The following SPTB variants were observed in gnomAD, a reference collection of about 807,000 sequenced individuals.
SPTB encodes spectrin beta chain, erythrocytic.
Under a neutral mutation model 256.2 loss-of-function variants are expected in SPTB, and 45 were observed. That is an observed-to-expected ratio of 0.18 (90% confidence interval 0.14 to 0.23). The LOEUF (loss-of-function observed/expected upper bound fraction) is 0.23. SPTB is among the 10% of genes least tolerant of loss of function. The pLI, the probability that SPTB is intolerant of heterozygous loss-of-function variation, is 1.00. For synonymous variants in SPTB, 1,231 were observed against 1,243.1 expected (o/e 0.99, Z 0.21); for missense variants, 2,715 against 3,040.4 (o/e 0.89, Z 2.52).
rs117267200 is a variant in SPTB, at chr14:64,785,470, C to T, written c.3855+67G>A. The T allele has an allele frequency of 0.014, 19,968 of 1,435,320 alleles. 160 individuals are homozygous for T. Among genetic ancestry groups the T allele is most frequent in the Middle Eastern group, 0.02 (83 of 4,182 alleles). 88.9% of individuals were successfully genotyped at this position (1,435,320 alleles called of 1,614,324 possible). ...AGAAAGGATCCCTGTGGACTTCCTG[C>T]CTTGAGGGAACTCTGCTTCTAGAAA... On this transcript the variant is annotated intron_variant, in intron 18 of 35. Transcript: ENST00000644917. The surrounding 1 kb of genome is among the most constrained non-coding windows in gnomAD (Gnocchi z 4.4).
intron 15 of SPTB, 100 bp from the exon 16 acceptor site, chr14:64,787,260 T>TC: frequency 6.8e-7 from 1 of 1,475,096 alleles, no homozygotes; most frequent in East Asian, 2.3e-5. Context: ...CCCACAAGTC[T>TC]CCCCCCACAG....
intron 6 of SPTB, 111 bp downstream of exon 6, chr14:64,801,643 G>T: frequency 8.6e-7 from 1 of 1,167,076 alleles, no homozygotes; most frequent in Non-Finnish European, 1.3e-6. Flanking sequence ...GGGGAGAGGA[G>T]AAGGAACAGC....
chr14:64,766,154 GTGTT>G (rs1287916444), intron 32 of SPTB, among the ~76,000 whole-genome samples: 2 of 149,012 alleles, frequency 1.3e-5, no homozygotes, highest in Admixed American at 6.7e-5. Flanking sequence ...TGGGTGTGGT[GTGTT>G]TGTGTGTATG....
rs1047444401 is a variant in SPTB at position 64,759,114 on chromosome 14, G to A, written c.6346-5321C>T. Among the ~76,000 whole-genome samples the A allele has an allele frequency of 6.6e-6, 1 of 152,210 alleles. No homozygotes were observed. The highest frequency in any genetic ancestry group is 2.4e-5 in the African/African-American group (1 of 41,446). ...GGGTTCCGGAAAAGCTCAGTGACGGGCTGAGATTAGAGCACACAGCAAGTC... is the reference window on the plus strand; with the variant it reads ...GGGTTCCGGAAAAGCTCAGTGACGGACTGAGATTAGAGCACACAGCAAGTC... On this transcript the variant is annotated intron_variant, in intron 32 of 35. Transcript: ENST00000644917. The surrounding 1 kb of genome is among the most constrained non-coding windows in gnomAD (Gnocchi z 4.8).
At chr14:64,846,842 A>G (rs563005753) in intron 1 of SPTB, among the ~76,000 whole-genome samples, 3 of 152,326 alleles carry the variant, frequency 2.0e-5, no homozygotes, top group Admixed American at 6.5e-5. Context: ...CAACTGAACT[A>G]TCAGATTCCA....
chr14:64,849,771 T>C (rs905578860), intron 1 of SPTB, among the ~76,000 whole-genome samples: 45 of 152,202 alleles, frequency 3.0e-4, no homozygotes, highest in African/African-American at 1.1e-3. Context: ...ATCAGGAGGC[T>C]GTAAGAGGGG....
intron 1 of SPTB, among the ~76,000 whole-genome samples, chr14:64,839,911 A>C (rs2083580112): frequency 6.6e-6 from 1 of 152,254 alleles, no homozygotes; most frequent in Non-Finnish European, 1.5e-5. Flanking sequence ...CAGAAATTAA[A>C]GAAGCCTTCA....
Position 64,807,133 on chromosome 14 carries a change from G to C in SPTB, c.149-2043C>G, listed in dbSNP as rs1434455617. Among the ~76,000 whole-genome samples, 2 of 152,184 alleles carry C rather than the reference G, an allele frequency of 1.3e-5. No homozygotes were observed. The highest frequency in any genetic ancestry group is 4.8e-5 in the African/African-American group (2 of 41,452). ...CCCACAGTTTTTTCCCTAGAAACCAGATCTATTCTTTAAGTAGCTAACCCT... is the reference window on the plus strand; with the variant it reads ...CCCACAGTTTTTTCCCTAGAAACCACATCTATTCTTTAAGTAGCTAACCCT... On this transcript the variant is annotated intron_variant, in intron 2 of 35. Coordinates refer to ENST00000644917, the MANE Select transcript of SPTB (RefSeq NM_001355436.2). The surrounding 1 kb of genome is among the most constrained non-coding windows in gnomAD (Gnocchi z 4.7).
chr14:64,811,909 G>A (rs2083096898), intron 2 of SPTB, among the ~76,000 whole-genome samples: 1 of 152,096 alleles, frequency 6.6e-6, no homozygotes, highest in Non-Finnish European at 1.5e-5. Flanking sequence ...TCTACGAAAG[G>A]CAATTTGGCA....
chr14:64,810,120 T>G (rs7151337), intron 2 of SPTB, among the ~76,000 whole-genome samples: 8,056 of 152,206 alleles, frequency 0.053, 760 homozygotes, highest in African/African-American at 0.18. Context: ...CAAAGAATAG[T>G]GTAAACTTAT....
Position 64,793,183 on chromosome 14 carries a change from C to T in SPTB, c.2480G>A (p.Arg827Gln), listed in dbSNP as rs150013838. 4.0e-4 allele frequency: 652 copies of T among 1,613,598 alleles called. 4 individuals carry two copies. Among genetic ancestry groups the T allele is most frequent in the Middle Eastern group, 2.0e-3 (12 of 6,062 alleles). ...PDVTHRLQAL[R>Q]ELYQQVVAQA... Reference sequence around the variant, plus strand: ...GGCCACCACCTGTTGGTAGAGCTCCCGCAGGGCCTGCAGCCGATGGGTCAC... The same window carrying T: ...GGCCACCACCTGTTGGTAGAGCTCCTGCAGGGCCTGCAGCCGATGGGTCAC... Residue 827 changes from arginine (R) to glutamine (Q), a missense_variant, in exon 14 of 36, where the codon CGG (arginine) becomes CAG (glutamine). Transcript: ENST00000644917. The surrounding 1 kb of genome is among the most constrained non-coding windows in gnomAD (Gnocchi z 7.0).
Position 64,749,626 on chromosome 14 carries a change from A to C in SPTB, c.6819+28T>G, listed in dbSNP as rs781770174. On this transcript the variant is annotated intron_variant, in intron 35 of 35. Transcript: ENST00000644917. This position sits in a 1 kb window ranked among gnomAD's most constrained non-coding sequence, Gnocchi z 4.7. Reference sequence around the variant, plus strand: ...TCCTCCACCTACCCCCTTCTTAGCCAGGTCTGGGCTAGGCTGCCCGCGCTT... The same window carrying C: ...TCCTCCACCTACCCCCTTCTTAGCCCGGTCTGGGCTAGGCTGCCCGCGCTT... 1.9e-6 allele frequency: 3 copies of C among 1,612,942 alleles called. No homozygotes were observed. The African/African-American group carries it at 4.0e-5, about 22-fold the overall frequency.
At chr14:64,840,677 G>A (rs2083591559) in intron 1 of SPTB, among the ~76,000 whole-genome samples, 1 of 152,162 alleles carries the variant, frequency 6.6e-6, no homozygotes, top group Non-Finnish European at 1.5e-5. Flanking sequence ...GTGACCCACA[G>A]AGCCCTTTCT....
In SPTB at chr14:64,787,077, C is replaced by T. The variant is rs367782249; in HGVS notation, c.2888G>A (p.Cys963Tyr). The T allele has an allele frequency of 1.2e-6, 2 of 1,613,330 alleles. No individual in the cohort carries two copies. The highest frequency in any genetic ancestry group is 1.7e-6 in the Non-Finnish European group (2 of 1,180,028). Residue 963 changes from cysteine to tyrosine, a missense_variant, in exon 16 of 36, where the codon TGC (cysteine) becomes TAC (tyrosine). Cys to Tyr is a radical substitution (Grantham distance 194, BLOSUM62 -2). Around this residue, in one of 4 missense-constraint regions of SPTB, gnomAD observed 2,239 missense variants for 2,384.4 expected, o/e 0.94. Coordinates refer to ENST00000644917, the MANE Select transcript of SPTB (RefSeq NM_001355436.2). ...ALRVHNYCVDCEETSKWITDK... is the reference protein window; with the variant it reads ...ALRVHNYCVDYEETSKWITDK... ...CGTGATCCACTTGCTGGTCTCCTCGCAATCTACGCAGTAGTTGTGCACTCG... is the reference window on the plus strand; with the variant it reads ...CGTGATCCACTTGCTGGTCTCCTCGTAATCTACGCAGTAGTTGTGCACTCG...
rs1322477342 is a variant in SPTB, at chr14:64,826,159, A to G, written c.-51-3014T>C. ...AGGGGGTCATGGGATGGGCCAGTGC[A>G]TGCAGGAAGGGAAGCTCTCGGAGAA... On this transcript the variant is annotated intron_variant, in intron 1 of 35. Coordinates refer to ENST00000644917, the MANE Select transcript of SPTB (RefSeq NM_001355436.2). The surrounding 1 kb of genome is among the most constrained non-coding windows in gnomAD (Gnocchi z 4.4). Among the ~76,000 whole-genome samples the G allele has an allele frequency of 6.6e-6, 1 of 152,232 alleles. No individual in the cohort carries two copies. The highest frequency in any genetic ancestry group is 2.4e-5 in the African/African-American group (1 of 41,466).
chr14:64,862,857 TAAAC>T (rs995704312), intron 1 of SPTB, among the ~76,000 whole-genome samples: 6 of 107,024 alleles, frequency 5.6e-5, no homozygotes, highest in Admixed American at 2.3e-4. Flanking sequence ...CTAAAACAAA[TAAAC>T]AACAATAACA....
In SPTB at chr14:64,772,731, C is replaced by T. The variant is rs755253000; in HGVS notation, c.5402G>A (p.Arg1801His). The change falls in exon 26 of 36, where the codon CGC becomes CAC. Residue 1801 changes from arginine (R) to histidine (H), a missense_variant. Arg to His is a conservative substitution (Grantham distance 29). This residue lies in a region of SPTB where 2,239 missense variants were observed against 2,384.4 expected (regional missense o/e 0.94). Coordinates refer to ENST00000644917, the MANE Select transcript of SPTB (RefSeq NM_001355436.2). This position sits in a 1 kb window ranked among gnomAD's most constrained non-coding sequence, Gnocchi z 5.4. ...GATCTCGGCACCCGTGTAGAAGTAGCGGTGCAGGTCATAGGAGGCGGCCAG... is the reference window on the plus strand; with the variant it reads ...GATCTCGGCACCCGTGTAGAAGTAGTGGTGCAGGTCATAGGAGGCGGCCAG... The part of the protein sequence containing the change: ...QLLAASYDLH[R>H]YFYTGAEILG... 3.0e-5 allele frequency: 48 copies of T among 1,613,746 alleles called. No individual in the cohort carries two copies. The East Asian group carries it at 4.0e-4, about 13-fold the overall frequency.
Position 64,772,558 on chromosome 14 carries a change from G to T in SPTB, c.5553+22C>A. 1 of 1,601,212 alleles carries T rather than the reference G, an allele frequency of 6.2e-7. No homozygotes were observed. The highest frequency in any genetic ancestry group is 2.2e-5 in the East Asian group (1 of 44,858). On this transcript the variant is annotated intron_variant, in intron 26 of 35. Coordinates refer to ENST00000644917, the MANE Select transcript of SPTB (RefSeq NM_001355436.2). The surrounding 1 kb of genome is among the most constrained non-coding windows in gnomAD (Gnocchi z 5.4). Reference sequence around the variant, plus strand: ...GGCTCCTGGAAATTGGTAGCAGGTGGGCGGCAGGGGGCTGAAGGTACCTGG... The same window carrying T: ...GGCTCCTGGAAATTGGTAGCAGGTGTGCGGCAGGGGGCTGAAGGTACCTGG...
rs2081898040 is a variant in SPTB, at chr14:64,749,093, G to A, written c.*213C>T. The A allele has an allele frequency of 2.0e-6, 1 of 506,550 alleles. No individual in the cohort carries two copies. The highest frequency in any genetic ancestry group is 3.4e-6 in the Non-Finnish European group (1 of 292,824). 31.4% of individuals were successfully genotyped at this position (506,550 alleles called of 1,614,324 possible). A position where few individuals can be genotyped will look rare whatever the true frequency, so the allele number is the denominator to read the frequency against. On this transcript the variant is annotated 3_prime_UTR_variant, in exon 36 of 36. Transcript: ENST00000644917. The surrounding 1 kb of genome is among the most constrained non-coding windows in gnomAD (Gnocchi z 4.7). ...GAGGAGCTGGGAGCCCCTGTCCCTG[G>A]AGCGGAGCCAGCGCGGGCGAGGGCA...
Sources: gnomAD v4.1 joint callset for allele counts (sites outside exome capture counted in the v4.1 genomes callset) on GRCh38, gnomAD v4.1.1 for gene constraint, gnomAD v4.1.1 regional missense constraint, Gnocchi (gnomAD v3.1) non-coding constraint, MANE v1.5 for transcripts, NCBI Gene and HGNC (gene_info 2026-07-23, HGNC 2026-07-21) for gene names.